The following SPIRE1 variants were observed in gnomAD, a reference collection of about 807,000 sequenced individuals.
The protein encoded by SPIRE1 is spire type actin nucleation factor 1, also known as protein spire homolog 1.
SPIRE1 carries 40 observed loss-of-function variants against 94.1 expected under a neutral mutation model. That is an observed-to-expected ratio of 0.43 (90% CI 0.33 to 0.55). The LOEUF (loss-of-function observed/expected upper bound fraction) is 0.55. Among genes scored for constraint, SPIRE1 ranks in the 20% least tolerant of loss-of-function variants. The pLI, the probability that SPIRE1 is intolerant of heterozygous loss-of-function variation, is 0.06. For missense variants in SPIRE1, 838 were observed against 975.2 expected (o/e 0.86, Z 1.87); for synonymous variants, 376 against 371.7 (o/e 1.01, Z -0.13).
At position 12,608,027 on chromosome 18, in the gene SPIRE1, C is replaced by T. The variant is rs1598524022; in HGVS notation, c.372+27035G>A. On this transcript the variant is annotated intron_variant, in intron 2 of 16. Coordinates refer to ENST00000409402, the MANE Select transcript of SPIRE1 (RefSeq NM_001128626.2). ...CAAAAAATTAGCCAGGCATCATGGC[C>T]GGTGCCTGTAGTCCCAGCTACTCAG... Among the ~76,000 whole-genome samples the T allele has an allele frequency of 2.6e-5, 4 of 151,962 alleles. 1 individual carries two copies. Among genetic ancestry groups the T allele is most frequent in the Admixed American group, 2.6e-4 (4 of 15,266 alleles).
At chr18:12,494,670 A>AT (rs2033376951) in intron 7 of SPIRE1, among the ~76,000 whole-genome samples, 1 of 151,070 alleles carries the variant, frequency 6.6e-6, no homozygotes, top group Non-Finnish European at 1.5e-5. Context: ...TCTACTAAAA[A>AT]AAAAAAAATA....
At chr18:12,597,118 A>C (rs1005623715) in intron 2 of SPIRE1, among the ~76,000 whole-genome samples, 2 of 149,944 alleles carry the variant, frequency 1.3e-5, no homozygotes, top group South Asian at 2.1e-4. Context: ...CAAAACCTCT[A>C]TTCACGGATT....
In SPIRE1 at chr18:12,479,807, T is replaced by A; in HGVS notation, c.1296A>T (p.Thr432=). 1 of 1,614,178 alleles carries A rather than the reference T, an allele frequency of 6.2e-7. No homozygotes were observed. The part of the protein sequence containing the change: ...VESSMVNGGL[T]SQTKENGLST... ...TTAACCCGTTTTCTTTTGTTTGTGA[T>A]GTCAAACCTCCATTCACCATAGATG... The change falls in exon 10 of 17, where the codon ACA becomes ACT. Residue 432 remains threonine (T), a synonymous_variant. Transcript: ENST00000409402.
In SPIRE1 at chr18:12,657,543, C is replaced by A; in HGVS notation, c.324G>T (p.Pro108=). 1 of 1,233,320 alleles carries A rather than the reference C, an allele frequency of 8.1e-7. No individual in the cohort carries two copies. The highest frequency in any genetic ancestry group is 1.6e-5 in the African/African-American group (1 of 64,110). The allele number at this position is 1,233,320 out of a possible 1,614,324, so 76.4% of individuals were successfully genotyped here. A position where few individuals can be genotyped will look rare whatever the true frequency, so the allele number is the denominator to read the frequency against. ...CGGCGGCCTCACCCGCAACTGGGGGCGGCTCTCCCGCGTCGTCGGCCGCGG... is the reference window on the plus strand; with the variant it reads ...CGGCGGCCTCACCCGCAACTGGGGGAGGCTCTCCCGCGTCGTCGGCCGCGG... ...LAPAADDAGE[P]PPVAGKLGYS... is the part of the protein sequence containing the mutation. Residue 108 remains proline (P), a synonymous_variant, in exon 1 of 17, where the codon CCG becomes CCT. Transcript: ENST00000409402.
chr18:12,511,166 A>T (rs1203270469), intron 5 of SPIRE1, among the ~76,000 whole-genome samples: 1 of 152,224 alleles, frequency 6.6e-6, no homozygotes, highest in East Asian at 1.9e-4. Context: ...AATTCTGAAA[A>T]CATAGCTTAA....
At chr18:12,523,882 G>C (rs1203721273) in intron 4 of SPIRE1, among the ~76,000 whole-genome samples, 1 of 152,042 alleles carries the variant, frequency 6.6e-6, no homozygotes, top group Non-Finnish European at 1.5e-5. Context: ...GCAGAGATAG[G>C]ATCTCACTAC....
intron 1 of SPIRE1, chr18:12,652,939 AC>A (rs967309443): frequency 1.3e-5 from 2 of 152,220 alleles, no homozygotes; most frequent in Non-Finnish European, 1.5e-5. Context: ...ACTGGCAAGA[AC>A]CAGTACGACT....
intron 2 of SPIRE1, among the ~76,000 whole-genome samples, chr18:12,627,903 TG>T (rs1328115103): frequency 1.4e-5 from 2 of 137,962 alleles, no homozygotes; most frequent in African/African-American, 5.1e-5. Context: ...TTGATGGGGT[TG>T]TTTTTTTCTT....
intron 1 of SPIRE1, among the ~76,000 whole-genome samples, chr18:12,640,400 C>G (rs1598572842): frequency 6.6e-6 from 1 of 152,318 alleles, no homozygotes; most frequent in African/African-American, 2.4e-5. Flanking sequence ...ACACCCTGCT[C>G]TCCTGCCAGC....
At chr18:12,659,422 C>A (rs2038649213), upstream of SPIRE1, among the ~76,000 whole-genome samples, 1 of 152,160 alleles carries the variant, frequency 6.6e-6, no homozygotes, top group Admixed American at 6.6e-5. Flanking sequence ...AATCCCAGCA[C>A]TTTGGGAGGC....
At chr18:12,479,182 T>A (rs977194061) in intron 10 of SPIRE1, among the ~76,000 whole-genome samples, 6 of 148,382 alleles carry the variant, frequency 4.0e-5, no homozygotes, top group Non-Finnish European at 7.5e-5. Context: ...TTTTCTTTTT[T>A]TTTTTTTTTT....
At chr18:12,627,850 GTCT>G (rs1351541341) in intron 2 of SPIRE1, among the ~76,000 whole-genome samples, 2 of 152,178 alleles carry the variant, frequency 1.3e-5, no homozygotes, top group African/African-American at 4.8e-5. Flanking sequence ...CTGCATAAAT[GTCT>G]TCTTTTGAGA....
chr18:12,481,542 A>G (rs2032842613), intron 9 of SPIRE1, among the ~76,000 whole-genome samples: 1 of 152,126 alleles, frequency 6.6e-6, no homozygotes, highest in African/African-American at 2.4e-5. Flanking sequence ...GAAAAGAAAA[A>G]GAAAAAAGGG....
At chr18:12,486,760 G>A (rs1428992784) in intron 8 of SPIRE1, among the ~76,000 whole-genome samples, 1 of 152,160 alleles carries the variant, frequency 6.6e-6, no homozygotes, top group Non-Finnish European at 1.5e-5. Context: ...GAATATGGTG[G>A]TCCTTCCTTA....
rs142929033 is a variant in SPIRE1, at chr18:12,536,298, G to A, written c.604-697C>T. Among the ~76,000 whole-genome samples, 176 of 152,178 alleles carry A rather than the reference G, an allele frequency of 1.2e-3. 1 individual carries two copies. The highest frequency in any genetic ancestry group is 6.6e-3 in the East Asian group (34 of 5,176). On this transcript the variant is annotated intron_variant, in intron 3 of 16. Transcript: ENST00000409402. ...TGCCAGCTACAATATCTGACATGTC[G>A]TATATACAACATAATACCATTTACT...
chr18:12,643,312 T>C (rs1379677627), intron 1 of SPIRE1, among the ~76,000 whole-genome samples: 2 of 152,120 alleles, frequency 1.3e-5, no homozygotes, highest in African/African-American at 2.4e-5. Context: ...CAAAAATACA[T>C]AGACATATCA....
intron 5 of SPIRE1, 151 bp from the exon 6 acceptor site, chr18:12,506,792 A>G (rs943989131): frequency 3.9e-6 from 3 of 777,666 alleles, no homozygotes; most frequent in Admixed American, 5.8e-5. Flanking sequence ...TTGGGTACTA[A>G]AAGATGGGTG....
chr18:12,478,364 T>C (rs923066544), intron 10 of SPIRE1, among the ~76,000 whole-genome samples: 4 of 146,472 alleles, frequency 2.7e-5, no homozygotes, highest in African/African-American at 1.0e-4. Context: ...AGGGGAGGTG[T>C]GTATGAAGCT....
intron 2 of SPIRE1, among the ~76,000 whole-genome samples, chr18:12,580,885 A>T (rs1425026673): frequency 6.6e-6 from 1 of 152,128 alleles, no homozygotes; most frequent in Non-Finnish European, 1.5e-5. Flanking sequence ...AGAGCTAGTT[A>T]TTCCTGGTGT....
Sources: allele counts gnomAD v4.1 joint callset (sites outside exome capture counted in the v4.1 genomes callset), GRCh38; gene constraint gnomAD v4.1.1; transcripts MANE v1.5; gene names NCBI Gene and HGNC (gene_info 2026-07-23, HGNC 2026-07-21).